The following GPM6B variants were observed in gnomAD, a reference collection of about 807,000 sequenced individuals.
GPM6B encodes the protein glycoprotein M6B, also known as neuronal membrane glycoprotein M6-b.
Under a neutral mutation model 27.2 loss-of-function variants are expected in GPM6B, and 4 were observed. That is an observed-to-expected ratio of 0.15 (90% CI 0.07 to 0.34). GPM6B has a LOEUF of 0.34. Among genes scored for constraint, GPM6B ranks in the 10% least tolerant of loss-of-function variants. The probability of loss-of-function intolerance (pLI) is 1.00; values close to 1 mark genes in which losing one functional copy is unlikely to be tolerated. For synonymous variants in GPM6B, 124 were observed against 103.1 expected (o/e 1.20, Z -1.23); for missense variants, 183 against 261.9 (o/e 0.70, Z 2.08).
chrX:13,799,657 C>T (rs923820259), intron 2 of GPM6B, among the ~76,000 whole-genome samples: 2 of 110,495 alleles, frequency 1.8e-5, no homozygotes, highest in Non-Finnish European at 3.8e-5. Context: ...ACACTATGAA[C>T]GACTGCTTTC....
Position 13,771,376 on chromosome X carries a change from T to G in GPM6B, c.*1505A>C, listed in dbSNP as rs1859990555. The stretch of plus-strand genomic sequence containing the variant: ...ACAACTGTTCTACACAGAAGAGAGC[T>G]TCTCTTAATTTAAAAAAAAAAAAAA... On this transcript the variant is annotated 3_prime_UTR_variant, in exon 8 of 8. Coordinates refer to ENST00000316715, the MANE Select transcript of GPM6B (RefSeq NM_001001995.3). The G allele has an allele frequency of 1.0e-5, 1 of 95,253 alleles. No individual in the cohort carries two copies. The highest frequency in any genetic ancestry group is 6.0e-4 in the South Asian group (1 of 1,673). 7.8% of individuals were successfully genotyped at this position (95,253 alleles called of 1,213,427 possible). A position where few individuals can be genotyped will look rare whatever the true frequency, so the allele number is the denominator to read the frequency against.
At position 13,771,125 on chromosome X, in the gene GPM6B, A is replaced by T. The variant is rs1385293945; in HGVS notation, c.*1756T>A. 6.2e-5 allele frequency: 7 copies of T among 112,618 alleles called. No individual in the cohort carries two copies. The highest frequency in any genetic ancestry group is 1.3e-4 in the Non-Finnish European group (7 of 53,244). The allele number at this position is 112,618 out of a possible 1,213,427, so 9.3% of individuals were successfully genotyped here. ...AATATTGATTCACTGTTAGGTTACA[A>T]AAATTTATACATAGCAAAATTTAAT... On this transcript the variant is annotated 3_prime_UTR_variant, in exon 8 of 8. Transcript: ENST00000316715.
intron 1 of GPM6B, among the ~76,000 whole-genome samples, chrX:13,860,437 G>GTT (rs1569266519): frequency 2.9e-4 from 24 of 82,822 alleles, no homozygotes; most frequent in East Asian, 1.4e-3. Context: ...CAAAACGTGG[G>GTT]GTTTTTTTTT....
chrX:13,921,936 A>G (rs1389628556), intron 1 of GPM6B, among the ~76,000 whole-genome samples: 1 of 111,618 alleles, frequency 9.0e-6, no homozygotes, highest in East Asian at 2.8e-4. Context: ...TTTCTAGGGA[A>G]GGGGTAGTAC....
chrX:13,784,303 T>A (rs2048570836), intron 3 of GPM6B, among the ~76,000 whole-genome samples: 1 of 112,134 alleles, frequency 8.9e-6, no homozygotes, highest in Non-Finnish European at 1.9e-5. Flanking sequence ...CAGACTGAGA[T>A]CACTACCTAA....
At chrX:13,827,271 CTTT>C (rs1173680918) in intron 1 of GPM6B, among the ~76,000 whole-genome samples, 3 of 73,642 alleles carry the variant, frequency 4.1e-5, no homozygotes, top group African/African-American at 5.7e-5. Context: ...TACCGACTTC[CTTT>C]TTTTTTTTTT....
chrX:13,886,719 TAAAA>T lies in GPM6B; in HGVS notation c.-198+51604_-198+51607del, dbSNP rs5901522. On this transcript the variant is annotated intron_variant, in intron 1 of 6. Coordinates refer to the GPM6B transcript ENST00000398361. ...ACCTCTCTCTACCTTAAGTCACTAC[TAAAA>T]AAAAAAAAAAAAAAAAAAATCTAGA... Among the ~76,000 whole-genome samples the T allele has an allele frequency of 5.1e-4, 18 of 35,098 alleles. 1 individual carries two copies. The highest frequency in any genetic ancestry group is 2.3e-3 in the African/African-American group (12 of 5,147). 30.5% of individuals were successfully genotyped at this position (35,098 alleles called of 115,157 possible).
intron 5 of GPM6B, 33 bp from the exon 6 acceptor site, chrX:13,777,458 A>G (rs780843516): frequency 6.8e-5 from 67 of 979,082 alleles, no homozygotes; most frequent in Non-Finnish European, 9.3e-5. Flanking sequence ...ATGTTAGTAC[A>G]AACTATAGCG....
At chrX:13,855,296 G>A (rs1192064981) in intron 1 of GPM6B, among the ~76,000 whole-genome samples, 3 of 112,447 alleles carry the variant, frequency 2.7e-5, no homozygotes, top group African/African-American at 9.7e-5. Flanking sequence ...TGCGATTATA[G>A]GCGTGAGCCA....
chrX:13,776,058 G>A (rs1250662985), intron 7 of GPM6B, 180 bp downstream of exon 7: 8 of 454,781 alleles, frequency 1.8e-5, no homozygotes, highest in Non-Finnish European at 3.1e-5. Flanking sequence ...TCAGTGCCAA[G>A]GCAACCAACT....
At chrX:13,843,234 T>C (rs1248377113) in intron 1 of GPM6B, among the ~76,000 whole-genome samples, 1 of 112,201 alleles carries the variant, frequency 8.9e-6, no homozygotes. Context: ...TTTTACTTAA[T>C]GTTTTCAAGG....
chrX:13,851,162 C>CT (rs1491220902), intron 1 of GPM6B, among the ~76,000 whole-genome samples: 2 of 29,675 alleles, frequency 6.7e-5, no homozygotes. Flanking sequence ...GACTCCATCT[C>CT]CAAAAAAAAA....
intron 1 of GPM6B, among the ~76,000 whole-genome samples, chrX:13,839,550 C>T (rs2049547282): frequency 1.8e-5 from 2 of 111,109 alleles, no homozygotes; most frequent in South Asian, 3.8e-4. Context: ...CCTGTGGGAC[C>T]GAGTCTCCAG....
At chrX:13,928,057 ATCC>A (rs1021192384) in intron 1 of GPM6B, among the ~76,000 whole-genome samples, 1 of 112,103 alleles carries the variant, frequency 8.9e-6, no homozygotes, top group Non-Finnish European at 1.9e-5. Context: ...GACAGAAAAC[ATCC>A]TCCTGTTTCA....
chrX:13,812,289 T>TTG lies in GPM6B; in HGVS notation c.62-4522_62-4521dup, dbSNP rs757457160. On this transcript the variant is annotated intron_variant, in intron 1 of 7. Transcript: ENST00000316715. ...AGGATGGTCTCGATCTCTTGACCTC[T>TTG]TGATCCGCCCGCCTCGGCCTCCCAA... is the stretch of plus-strand genomic sequence containing the variant. Among the ~76,000 whole-genome samples, 5 of 110,346 alleles carry TTG rather than the reference T, an allele frequency of 4.5e-5. No homozygotes were observed. In the East Asian group the frequency reaches 1.4e-3, roughly 31 times the overall value.
At chrX:13,904,827 T>C (rs2050313459) in intron 1 of GPM6B, among the ~76,000 whole-genome samples, 1 of 110,501 alleles carries the variant, frequency 9.0e-6, no homozygotes, top group Admixed American at 9.7e-5. Flanking sequence ...ACAACCATCC[T>C]CTAGGTGTCC....
intron 1 of GPM6B, among the ~76,000 whole-genome samples, chrX:13,894,189 C>T (rs2050212370): frequency 8.9e-6 from 1 of 112,075 alleles, no homozygotes; most frequent in Non-Finnish European, 1.9e-5. Context: ...AAAGCCCAGA[C>T]ACACTGATCC....
In GPM6B at chrX:13,772,748, G is replaced by C. The variant is rs1415932693; in HGVS notation, c.*133C>G. ...AAGGTTTTCCTAGAGATACATCCCA[G>C]CAGCTTGAGACAGACAGTGAAGTGT... On this transcript the variant is annotated 3_prime_UTR_variant, in exon 8 of 8. Coordinates refer to ENST00000316715, the MANE Select transcript of GPM6B (RefSeq NM_001001995.3). 3.8e-6 allele frequency: 2 copies of C among 520,994 alleles called. No individual in the cohort carries two copies. The highest frequency in any genetic ancestry group is 6.0e-6 in the Non-Finnish European group (2 of 335,037). 42.9% of individuals were successfully genotyped at this position (520,994 alleles called of 1,213,427 possible).
intron 7 of GPM6B, among the ~76,000 whole-genome samples, chrX:13,775,194 C>T (rs764847149): frequency 1.8e-5 from 2 of 112,770 alleles, no homozygotes; most frequent in South Asian, 3.6e-4. Context: ...TACATAAGAG[C>T]GTGTATTTAT....
Sources: gnomAD v4.1 joint callset for allele counts (sites outside exome capture counted in the v4.1 genomes callset) on GRCh38, gnomAD v4.1.1 for gene constraint, MANE v1.5 for transcripts, NCBI Gene and HGNC (gene_info 2026-07-23, HGNC 2026-07-21) for gene names.